Variants in CREBBP observed in about 807,000 individuals in gnomAD.
The protein encoded by CREBBP is CREB-binding protein.
Under a neutral mutation model 265.0 loss-of-function variants are expected in CREBBP, and 19 were observed. The ratio of observed to expected loss-of-function variants is 0.07; its 90% CI spans 0.05 to 0.11. CREBBP has a LOEUF of 0.11. Ranked by LOEUF, CREBBP falls within the 10% of genes least tolerant of loss-of-function variation. The probability of loss-of-function intolerance (pLI) is 1.00; values close to 1 mark genes in which losing one functional copy is unlikely to be tolerated. For missense variants in CREBBP, 2,525 were observed against 3,219.0 expected, an observed-to-expected ratio of 0.78 and a Z score of 5.22; for synonymous variants, 1,457 against 1,223.7, an observed-to-expected ratio of 1.19 and a Z score of -3.98.
At chr16:3,810,808 G>A (rs1315393833) in intron 2 of CREBBP, 29 bp from the exon 3 acceptor site, 2 of 1,611,400 alleles carry the variant, frequency 1.2e-6, no homozygotes, top group Non-Finnish European at 8.5e-7. Context: ...AACATCAGCT[G>A]TGGTGACGCA....
Position 3,744,946 on chromosome 16 carries a change from G to A in CREBBP, c.3930C>T (p.Asn1310=), listed in dbSNP as rs372799049. 11 of 1,613,706 alleles carry A rather than the reference G, an allele frequency of 6.8e-6. No homozygotes were observed. The African/African-American group carries it at 1.5e-4, about 22-fold the overall frequency. The part of the protein sequence containing the change: ...IIWPSGFVCD[N]CLKKTGRPRK... ...GAGGTCTGCCAGTTTTCTTCAAGCA[G>A]TTGTCGCACACAAAACTGCAAAATA... The change falls in exon 23 of 31, where the codon AAC becomes AAT. Residue 1310 remains asparagine, a synonymous_variant. Transcript: ENST00000262367.
chr16:3,852,516 A>C (rs1275186919), intron 1 of CREBBP, among the ~76,000 whole-genome samples: 1 of 152,192 alleles, frequency 6.6e-6, no homozygotes. Context: ...AACTAGCTTT[A>C]ACGCAAAATG....
At chr16:3,862,836 T>C (rs1157418957) in intron 1 of CREBBP, among the ~76,000 whole-genome samples, 1 of 152,198 alleles carries the variant, frequency 6.6e-6, no homozygotes, top group Admixed American at 6.5e-5. Context: ...AACTGTCTTT[T>C]CTCAGTGTCC....
intron 1 of CREBBP, among the ~76,000 whole-genome samples, chr16:3,855,387 C>T (rs2054938665): frequency 6.6e-6 from 1 of 152,200 alleles, no homozygotes; most frequent in African/African-American, 2.4e-5. Context: ...CCAACCTCAG[C>T]CAGAATAGCT....
rs1170699683 is a variant in CREBBP at position 3,731,215 on chromosome 16, G to A, written c.5149C>T (p.Arg1717Cys). The stretch of plus-strand genomic sequence containing the variant: ...ACCTCGCACACAGTGCAGTGCCAGC[G>A]CGTCTCCACGTGGTGCTTGCACTCG... ...CNECKHHVET[R>C]WHCTVCEDYD... The change falls in exon 30 of 31, where the codon CGC becomes TGC. Residue 1717 changes from arginine (R) to cysteine (C), a missense_variant. Transcript: ENST00000262367. This position sits in a 1 kb window ranked among gnomAD's most constrained non-coding sequence, Gnocchi z 7.7. The A allele has an allele frequency of 6.2e-7, 1 of 1,613,830 alleles. No individual in the cohort carries two copies. The highest frequency in any genetic ancestry group is 8.5e-7 in the Non-Finnish European group (1 of 1,179,932).
At chr16:3,810,811 G>C (rs759189545) in intron 2 of CREBBP, 32 bp from the exon 3 acceptor site, 1 of 1,610,202 alleles carries the variant, frequency 6.2e-7, no homozygotes, top group South Asian at 1.1e-5. Context: ...ATCAGCTGTG[G>C]TGACGCAGTC....
In CREBBP at chr16:3,728,246, C is replaced by T. The variant is rs768095952; in HGVS notation, c.6801G>A (p.Gln2267=). The T allele has an allele frequency of 1.2e-6, 2 of 1,613,078 alleles. No individual in the cohort carries two copies. Among genetic ancestry groups the T allele is most frequent in the Non-Finnish European group, 8.5e-7 (1 of 1,179,878 alleles). The change falls in exon 31 of 31, where the codon CAG becomes CAA. Residue 2267 remains glutamine, a synonymous_variant. Coordinates refer to ENST00000262367, the MANE Select transcript of CREBBP (RefSeq NM_004380.3). This position sits in a 1 kb window ranked among gnomAD's most constrained non-coding sequence, Gnocchi z 8.7. The part of the protein sequence containing the change: ...QGSSMGQMAA[Q]MGQLGQMGQP... ...GCCCCATCTGGCCAAGCTGTCCCAT[C>T]TGAGCCGCCATCTGGCCCATGGAGC... is the stretch of plus-strand genomic sequence containing the variant.
rs761761071 is a variant in CREBBP at position 3,793,537 on chromosome 16, C to T, written c.1065G>A (p.Gln355=). The T allele has an allele frequency of 3.7e-6, 6 of 1,614,058 alleles. No homozygotes were observed. Among genetic ancestry groups the T allele is most frequent in the South Asian group, 1.1e-5 (1 of 91,084 alleles). The change falls in exon 4 of 31, where the codon CAG becomes CAA. Residue 355 remains glutamine (Q), a synonymous_variant. Transcript: ENST00000262367. ...TADPEKRKLI[Q]QQLVLLLHAH... ...CATGAAGCAGTAGAACCAGCTGCTG[C>T]TGTATCAGTTTGCGTTTTTCAGGAT...
At chr16:3,769,050 C>G in intron 15 of CREBBP, 124 bp downstream of exon 15, 1 of 1,138,848 alleles carries the variant, frequency 8.8e-7, no homozygotes, top group Non-Finnish European at 1.3e-6. Flanking sequence ...ACCCCGAACC[C>G]ACATTCAAAC....
At chr16:3,863,550 C>T (rs1567373498) in intron 1 of CREBBP, among the ~76,000 whole-genome samples, 1 of 152,058 alleles carries the variant, frequency 6.6e-6, no homozygotes, top group East Asian at 1.9e-4. Context: ...TACCGTGAGC[C>T]GAGATCGCGC....
Position 3,810,592 on chromosome 16 carries a change from G to C in CREBBP, c.975+11C>G. On this transcript the variant is annotated intron_variant, in intron 3 of 30. Coordinates refer to ENST00000262367, the MANE Select transcript of CREBBP (RefSeq NM_004380.3). ...GGAGAGCCATAACACTGAGGGCCAA[G>C]GGTAACTTACCATATTTGGCACGTT... The C allele has an allele frequency of 1.2e-6, 2 of 1,613,410 alleles. No homozygotes were observed. Among genetic ancestry groups the C allele is most frequent in the Non-Finnish European group, 1.7e-6 (2 of 1,179,952 alleles).
At chr16:3,763,306 G>A (rs995217309) in intron 16 of CREBBP, among the ~76,000 whole-genome samples, 3 of 151,724 alleles carry the variant, frequency 2.0e-5, no homozygotes, top group African/African-American at 7.3e-5. Context: ...CTATAAGCAT[G>A]CACCACCATA....
chr16:3,732,800 A>T (rs1453029653), intron 28 of CREBBP, among the ~76,000 whole-genome samples: 2 of 151,968 alleles, frequency 1.3e-5, no homozygotes, highest in Non-Finnish European at 2.9e-5. Flanking sequence ...TCCAAGGTTC[A>T]AGCGATTCTC....
chr16:3,771,108 GC>G, intron 13 of CREBBP, 122 bp from the exon 14 acceptor site: 3 of 1,042,420 alleles, frequency 2.9e-6, no homozygotes, highest in Non-Finnish European at 4.3e-6. Context: ...CACTCTTGTC[GC>G]CCAGGCTGCA....
chr16:3,865,626 G>A (rs1327139403), intron 1 of CREBBP, among the ~76,000 whole-genome samples: 1 of 151,920 alleles, frequency 6.6e-6, no homozygotes, highest in Non-Finnish European at 1.5e-5. Flanking sequence ...ACTAGTTTAA[G>A]TAATTAAAGG....
rs553107830 is a variant in CREBBP at position 3,777,956 on chromosome 16, G to A, written c.2113+55C>T. The A allele has an allele frequency of 5.6e-5, 88 of 1,582,712 alleles. 1 individual carries two copies. Among genetic ancestry groups the A allele is most frequent in the South Asian group, 4.2e-4 (38 of 90,146 alleles). On this transcript the variant is annotated intron_variant, in intron 10 of 30. Coordinates refer to ENST00000262367, the MANE Select transcript of CREBBP (RefSeq NM_004380.3). The stretch of plus-strand genomic sequence containing the variant: ...GTTCTTAGAAATACACCCCAAACAC[G>A]AAGGAAAACCAAGGAAACAGGCTAA...
At chr16:3,784,524 CT>C (rs1950843608) in intron 5 of CREBBP, 2 of 152,116 alleles carry the variant, frequency 1.3e-5, no homozygotes, top group Non-Finnish European at 1.5e-5. Context: ...AACCGACATC[CT>C]ACATTTTTAA....
At chr16:3,786,375 G>GA (rs2053388010) in intron 5 of CREBBP, among the ~76,000 whole-genome samples, 1 of 151,778 alleles carries the variant, frequency 6.6e-6, no homozygotes. Flanking sequence ...AAAAACAAAA[G>GA]AAAAAAGGAA....
chr16:3,774,198 G>C (rs567108645), intron 12 of CREBBP, among the ~76,000 whole-genome samples: 2 of 152,296 alleles, frequency 1.3e-5, no homozygotes, highest in East Asian at 3.9e-4. Flanking sequence ...ATAATTTAAA[G>C]TTTAAGACAT....
Sources: gnomAD v4.1 joint callset for allele counts (sites outside exome capture counted in the v4.1 genomes callset) on GRCh38, gnomAD v4.1.1 for gene constraint, Gnocchi (gnomAD v3.1) non-coding constraint, MANE v1.5 for transcripts, NCBI Gene and HGNC (gene_info 2026-07-23, HGNC 2026-07-21) for gene names.